The following AUTS2 variants were observed in gnomAD, a reference collection of about 807,000 sequenced individuals.
The protein encoded by AUTS2 is activator of transcription and developmental regulator AUTS2.
A neutral mutation model predicts 112.4 loss-of-function variants in AUTS2; 17 were observed. The observed-to-expected ratio is 0.15, with a 90% CI of 0.10 to 0.23. The LOEUF (loss-of-function observed/expected upper bound fraction) is 0.23. AUTS2 is among the 10% of genes least tolerant of loss of function. AUTS2 has a pLI of 1.00. For missense variants in AUTS2, 1,510 were observed against 1,701.6 expected (o/e 0.89, Z 1.98); for synonymous variants, 751 against 702.7 (o/e 1.07, Z -1.09).
intron 2 of AUTS2, among the ~76,000 whole-genome samples, chr7:70,082,615 G>T (rs1417930186): frequency 1.3e-5 from 2 of 152,170 alleles, no homozygotes; most frequent in Non-Finnish European, 2.9e-5. Flanking sequence ...GAGAAACCTG[G>T]CCTTTTAGTC....
At chr7:69,978,859 AACACAC>A (rs71068004) in intron 2 of AUTS2, among the ~76,000 whole-genome samples, 15,910 of 129,572 alleles carry the variant, frequency 0.12, 988 homozygotes, top group Middle Eastern at 0.22. Context: ...TCAAAGAAAC[AACACAC>A]ACACACACAC....
chr7:70,542,786 C>G (rs1800606057), intron 5 of AUTS2, among the ~76,000 whole-genome samples: 1 of 152,196 alleles, frequency 6.6e-6, no homozygotes, highest in Non-Finnish European at 1.5e-5. Flanking sequence ...AGCCAGGTGT[C>G]TTAAATCCAG....
At chr7:70,719,411 G>A (rs996850844) in intron 6 of AUTS2, among the ~76,000 whole-genome samples, 12 of 152,056 alleles carry the variant, frequency 7.9e-5, no homozygotes, top group South Asian at 4.2e-4. Flanking sequence ...ATGTGGAGCC[G>A]GCTCGGAACA....
chr7:69,998,374 A>G (rs1799040846), intron 2 of AUTS2, among the ~76,000 whole-genome samples: 1 of 151,940 alleles, frequency 6.6e-6, no homozygotes, highest in Non-Finnish European at 1.5e-5. Context: ...AAAAAAAATC[A>G]TCTGTAATTC....
At chr7:69,909,395 C>T (rs531276620) in intron 2 of AUTS2, among the ~76,000 whole-genome samples, 23 of 152,228 alleles carry the variant, frequency 1.5e-4, no homozygotes, top group African/African-American at 3.4e-4. Context: ...AGATGCTAAC[C>T]GGAGTTTTTT....
At chr7:70,767,965 T>C (rs1042989207) in intron 9 of AUTS2, 59 bp from the exon 10 acceptor site, 1 of 1,560,412 alleles carries the variant, frequency 6.4e-7, no homozygotes, top group Non-Finnish European at 8.8e-7. Context: ...CCACCTCCAC[T>C]GTAGCAGTGA....
chr7:70,277,012 C>T (rs1787959886), intron 4 of AUTS2, among the ~76,000 whole-genome samples: 1 of 152,176 alleles, frequency 6.6e-6, no homozygotes, highest in East Asian at 1.9e-4. Context: ...GAATAGACAA[C>T]CATCCATTTG....
chr7:70,319,130 T>C (rs1385210790), intron 4 of AUTS2, among the ~76,000 whole-genome samples: 2 of 152,174 alleles, frequency 1.3e-5, no homozygotes, highest in Non-Finnish European at 2.9e-5. Flanking sequence ...GACATTTAAA[T>C]AAATAAAATA....
intron 2 of AUTS2, among the ~76,000 whole-genome samples, chr7:69,967,034 T>C (rs2063649767): frequency 6.6e-6 from 1 of 152,158 alleles, no homozygotes; most frequent in African/African-American, 2.4e-5. Context: ...GAAGATGTTG[T>C]TTCAGCTGGA....
At chr7:69,838,479 C>T (rs1480793493) in intron 1 of AUTS2, among the ~76,000 whole-genome samples, 1 of 152,068 alleles carries the variant, frequency 6.6e-6, no homozygotes, top group Non-Finnish European at 1.5e-5. Context: ...AGTCATTTGC[C>T]CAAGCCACAT....
intron 5 of AUTS2, among the ~76,000 whole-genome samples, chr7:70,584,079 G>A (rs563172941): frequency 5.3e-5 from 8 of 152,254 alleles, no homozygotes; most frequent in South Asian, 4.1e-4. Flanking sequence ...TGTTTGTTAC[G>A]GTGTGAAAAG....
intron 4 of AUTS2, among the ~76,000 whole-genome samples, chr7:70,219,592 G>T (rs142174069): frequency 0.082 from 11,849 of 143,894 alleles, 616 homozygotes; most frequent in African/African-American, 0.14. Flanking sequence ...TTTTTTTTGA[G>T]AGAGAGTCTC....
intron 4 of AUTS2, among the ~76,000 whole-genome samples, chr7:70,180,403 G>C (rs1809233781): frequency 6.8e-6 from 1 of 147,756 alleles, no homozygotes. Context: ...AGTTTTTAAA[G>C]AATAAAATAA....
At chr7:70,585,242 G>A (rs539683878) in intron 5 of AUTS2, among the ~76,000 whole-genome samples, 7 of 152,274 alleles carry the variant, frequency 4.6e-5, no homozygotes, top group East Asian at 1.9e-4. Flanking sequence ...CTGCCCTGCT[G>A]TGGAAACAGC....
At chr7:69,929,757 T>G (rs898770039) in intron 2 of AUTS2, among the ~76,000 whole-genome samples, 15 of 152,254 alleles carry the variant, frequency 9.9e-5, no homozygotes, top group Non-Finnish European at 2.9e-5. Flanking sequence ...GGAATACAGG[T>G]ACAATGATTG....
At chr7:70,719,343 C>G (rs1450632842) in intron 6 of AUTS2, among the ~76,000 whole-genome samples, 1 of 152,104 alleles carries the variant, frequency 6.6e-6, no homozygotes, top group Non-Finnish European at 1.5e-5. Context: ...TTTAGGGTTG[C>G]CTGGTTGTCA....
chr7:70,382,339 A>G (rs537501988), intron 4 of AUTS2, among the ~76,000 whole-genome samples: 90 of 152,186 alleles, frequency 5.9e-4, no homozygotes, highest in Non-Finnish European at 1.2e-3. Flanking sequence ...CTCTACTACA[A>G]TCCCCAACTC....
intron 5 of AUTS2, among the ~76,000 whole-genome samples, chr7:70,564,048 A>T (rs907970478): frequency 1.3e-5 from 2 of 152,220 alleles, no homozygotes; most frequent in Non-Finnish European, 2.9e-5. Context: ...TATATAATAA[A>T]AAAGTAAAAT....
At chr7:69,842,852 T>A (rs1369194204) in intron 1 of AUTS2, among the ~76,000 whole-genome samples, 4 of 152,118 alleles carry the variant, frequency 2.6e-5, no homozygotes, top group African/African-American at 9.7e-5. Context: ...TGGCAGCAGA[T>A]CCCTAATGGC....
Sources: gnomAD v4.1 joint callset for allele counts (sites outside exome capture counted in the v4.1 genomes callset) on GRCh38, gnomAD v4.1.1 for gene constraint, MANE v1.5 for transcripts, NCBI Gene and HGNC (gene_info 2026-07-23, HGNC 2026-07-21) for gene names.